RPRD1A: variants seen among roughly 807,000 people sequenced by gnomAD.
The protein encoded by RPRD1A is regulation of nuclear pre-mRNA domain containing 1A.
RPRD1A carries 9 observed loss-of-function variants against 37.8 expected under a neutral mutation model. That is an observed-to-expected ratio of 0.24 (90% confidence interval 0.14 to 0.42). RPRD1A has a LOEUF of 0.42. Among genes scored for constraint, RPRD1A ranks in the 10% least tolerant of loss-of-function variants. RPRD1A has a pLI of 1.00. For synonymous variants in RPRD1A, 138 were observed against 139.7 expected (o/e 0.99, Z 0.08); for missense variants, 255 against 371.0 (o/e 0.69, Z 2.57).
intron 6 of RPRD1A, among the ~76,000 whole-genome samples, chr18:35,999,130 T>C (rs1178503829): frequency 3.3e-5 from 5 of 152,204 alleles, no homozygotes; most frequent in African/African-American, 1.2e-4. Flanking sequence ...TTTTCTAATT[T>C]CATACCCATA....
chr18:36,026,753 T>TAATA (rs1911395797), intron 6 of RPRD1A, 147 bp downstream of exon 6: 2 of 588,032 alleles, frequency 3.4e-6, no homozygotes, highest in Non-Finnish European at 5.5e-6. Context: ...GAAAAACCAT[T>TAATA]AATACAAGGA....
intron 1 of RPRD1A, among the ~76,000 whole-genome samples, chr18:36,060,227 C>T (rs980015236): frequency 6.6e-6 from 1 of 152,054 alleles, no homozygotes; most frequent in African/African-American, 2.4e-5. Flanking sequence ...GTCAGGAGAT[C>T]GAGACCATCC....
At chr18:36,045,159 G>C (rs1912864436) in intron 1 of RPRD1A, among the ~76,000 whole-genome samples, 1 of 152,110 alleles carries the variant, frequency 6.6e-6, no homozygotes, top group African/African-American at 2.4e-5. Flanking sequence ...AGAATCACTT[G>C]AACCTGGGAG....
intron 1 of RPRD1A, among the ~76,000 whole-genome samples, chr18:36,059,149 T>C (rs1345324048): frequency 6.6e-6 from 1 of 152,206 alleles, no homozygotes; most frequent in East Asian, 1.9e-4. Flanking sequence ...CCATTTGTAA[T>C]TTTAAAAATC....
chr18:36,038,954 A>G (rs909459261), intron 1 of RPRD1A, among the ~76,000 whole-genome samples: 3 of 152,096 alleles, frequency 2.0e-5, no homozygotes, highest in African/African-American at 7.2e-5. Flanking sequence ...GAAGTAACTA[A>G]TTTGTTTTTT....
At chr18:36,021,265 G>A (rs1460132924) in intron 6 of RPRD1A, among the ~76,000 whole-genome samples, 2 of 152,038 alleles carry the variant, frequency 1.3e-5, no homozygotes, top group Non-Finnish European at 2.9e-5. Flanking sequence ...GTGGCAACCC[G>A]GCACCAAACA....
Position 36,067,496 on chromosome 18 carries a change from A to C in RPRD1A, c.-92T>G. 2.3e-6 allele frequency: 3 copies of C among 1,302,922 alleles called. No individual in the cohort carries two copies. The highest frequency in any genetic ancestry group is 2.3e-5 in the Admixed American group (1 of 43,752). 80.7% of individuals were successfully genotyped at this position (1,302,922 alleles called of 1,614,324 possible). A position where few individuals can be genotyped will look rare whatever the true frequency, so the allele number is the denominator to read the frequency against. ...AGCTGCGGCCTCGCCCCCTCACCCC[A>C]CCCTTCCCCACGCTCTCACCACGGC... On this transcript the variant is annotated 5_prime_UTR_variant, in exon 1 of 7. Transcript: ENST00000399022.
In RPRD1A at chr18:36,016,863, G is replaced by A. The variant is rs373713523; in HGVS notation, c.789+10037C>T. Among the ~76,000 whole-genome samples the A allele has an allele frequency of 3.3e-5, 5 of 152,188 alleles. No individual in the cohort carries two copies. The South Asian group carries it at 1.0e-3, about 32-fold the overall frequency. ...AATTTTTATAGTAAATGTGCAAAAA[G>A]ACACTATATAAAATGACATGTACAG... On this transcript the variant is annotated intron_variant, in intron 6 of 6. Transcript: ENST00000399022.
At chr18:36,022,133 TAATCCACA>T (rs1167637037) in intron 6 of RPRD1A, among the ~76,000 whole-genome samples, 1 of 152,172 alleles carries the variant, frequency 6.6e-6, no homozygotes, top group Non-Finnish European at 1.5e-5. Context: ...AAAGCCTAAT[TAATCCACA>T]GCAAGGCCCA....
At chr18:36,018,337 A>G (rs531976698) in intron 6 of RPRD1A, among the ~76,000 whole-genome samples, 14 of 150,954 alleles carry the variant, frequency 9.3e-5, no homozygotes, top group Admixed American at 5.3e-4. Context: ...GCAGTGGCGC[A>G]ATCTCGGCTC....
At position 36,003,691 on chromosome 18, in the gene RPRD1A, A is replaced by G. The variant is rs527449104; in HGVS notation, c.790-10391T>C. Among the ~76,000 whole-genome samples, 65 of 152,344 alleles carry G rather than the reference A, an allele frequency of 4.3e-4. No homozygotes were observed. The South Asian group carries it at 7.2e-3, about 17-fold the overall frequency. On this transcript the variant is annotated intron_variant, in intron 6 of 6. Transcript: ENST00000399022. ...CAACTCAAAAAAATTTAAAACTTCC[A>G]TATTCTGCTCTTTGATATAATTAAG...
intron 6 of RPRD1A, among the ~76,000 whole-genome samples, chr18:36,006,078 T>C (rs180787769): frequency 7.9e-5 from 12 of 152,296 alleles, no homozygotes; most frequent in African/African-American, 2.2e-4. Flanking sequence ...TTAATGAAAA[T>C]AGAAGAAGTA....
At chr18:35,998,337 C>T (rs1055814256) in intron 6 of RPRD1A, among the ~76,000 whole-genome samples, 1 of 151,236 alleles carries the variant, frequency 6.6e-6, no homozygotes, top group Non-Finnish European at 1.5e-5. Context: ...GCATGGGCAA[C>T]AAGAATGAAA....
chr18:36,008,630 T>C (rs886069215), intron 6 of RPRD1A, among the ~76,000 whole-genome samples: 6 of 137,768 alleles, frequency 4.4e-5, no homozygotes, highest in African/African-American at 8.2e-5. Flanking sequence ...CTGCCCCTCA[T>C]GGTATATCAA....
chr18:36,023,129 C>T (rs772487787), intron 6 of RPRD1A, among the ~76,000 whole-genome samples: 4 of 152,132 alleles, frequency 2.6e-5, no homozygotes, highest in East Asian at 1.9e-4. Context: ...AAATACATTT[C>T]GTAAGGCTAT....
At chr18:36,024,730 G>A (rs1267719638) in intron 6 of RPRD1A, among the ~76,000 whole-genome samples, 1 of 152,154 alleles carries the variant, frequency 6.6e-6, no homozygotes, top group Non-Finnish European at 1.5e-5. Flanking sequence ...TTACTTGATA[G>A]TATCACAGCT....
At chr18:36,032,138 T>C (rs1348377207) in intron 2 of RPRD1A, among the ~76,000 whole-genome samples, 2 of 152,194 alleles carry the variant, frequency 1.3e-5, no homozygotes, top group Non-Finnish European at 2.9e-5. Flanking sequence ...CCTCATACTA[T>C]CTAGTTCCTT....
At chr18:36,001,860 T>C (rs1319500841) in intron 6 of RPRD1A, among the ~76,000 whole-genome samples, 3 of 152,212 alleles carry the variant, frequency 2.0e-5, no homozygotes, top group African/African-American at 4.8e-5. Context: ...ACTAGCAAAC[T>C]CACTAGTTTG....
At chr18:36,052,965 A>G (rs898857393) in intron 1 of RPRD1A, 2 of 152,152 alleles carry the variant, frequency 1.3e-5, no homozygotes, top group African/African-American at 4.8e-5. Flanking sequence ...TTAAAAAAAA[A>G]GTTTTAAAGA....
Sources: allele counts gnomAD v4.1 joint callset (sites outside exome capture counted in the v4.1 genomes callset), GRCh38; gene constraint gnomAD v4.1.1; transcripts MANE v1.5; gene names NCBI Gene and HGNC (gene_info 2026-07-23, HGNC 2026-07-21).